The following LAMB2 variants were observed in gnomAD, a reference collection of about 807,000 sequenced individuals.
LAMB2 encodes laminin subunit beta-2.
LAMB2 carries 119 observed loss-of-function variants against 202.7 expected under a neutral mutation model. That is an observed-to-expected ratio of 0.59 (90% CI 0.51 to 0.68). The LOEUF (loss-of-function observed/expected upper bound fraction) is 0.68. LAMB2 is among the 30% of genes least tolerant of loss of function. The pLI, the probability that LAMB2 is intolerant of heterozygous loss-of-function variation, is 0.00. For synonymous variants in LAMB2, 818 were observed against 902.2 expected, an observed-to-expected ratio of 0.91 and a Z score of 1.67; for missense variants, 2,124 against 2,410.6, an observed-to-expected ratio of 0.88 and a Z score of 2.49.
At chr3:49,122,663 A>C in intron 27 of LAMB2, 41 bp downstream of exon 27, 2 of 1,547,924 alleles carry the variant, frequency 1.3e-6, no homozygotes, top group South Asian at 1.1e-5. Context: ...GGAGTTGCCA[A>C]AGGGGACAAC....
At position 49,128,540 on chromosome 3, in the gene LAMB2, C is replaced by CT; in HGVS notation, c.1935dup (p.Gly646ArgfsTer17). On this transcript the variant is annotated frameshift_variant, in exon 15 of 32. Coordinates refer to ENST00000305544, the MANE Select transcript of LAMB2 (RefSeq NM_002292.4). LOFTEE classifies it high-confidence loss of function. ...CACAGGCTGTGGGCAGGCACAGGCC[C>CT]TGGACGCTGCACAATCAGTTCCAAC... 6.2e-7 allele frequency: 1 copy of CT among 1,614,202 alleles called. No homozygotes were observed. The highest frequency in any genetic ancestry group is 8.5e-7 in the Non-Finnish European group (1 of 1,180,042).
rs2107643796 is a variant in LAMB2 at position 49,130,524 on chromosome 3, A to AG, written c.1037-106dup. ...CTATCACAGGCCAGAATTTGTGGGTAGGGGCTCAGGGACTTCAAGGCCTCA... is the reference window on the plus strand; with the variant it reads ...CTATCACAGGCCAGAATTTGTGGGTAGGGGGCTCAGGGACTTCAAGGCCTCA... On this transcript the variant is annotated intron_variant, in intron 8 of 31. Coordinates refer to ENST00000305544, the MANE Select transcript of LAMB2 (RefSeq NM_002292.4). The surrounding 1 kb of genome is among the most constrained non-coding windows in gnomAD (Gnocchi z 5.0). 2 of 1,428,178 alleles carry AG rather than the reference A, an allele frequency of 1.4e-6. No homozygotes were observed. Among genetic ancestry groups the AG allele is most frequent in the Non-Finnish European group, 2.0e-6 (2 of 1,017,312 alleles). The allele number at this position is 1,428,178 out of a possible 1,614,324, so 88.5% of individuals were successfully genotyped here. A position where few individuals can be genotyped will look rare whatever the true frequency, so the allele number is the denominator to read the frequency against.
Position 49,128,598 on chromosome 3 carries a change from G to A in LAMB2, c.1891-13C>T, listed in dbSNP as rs1211405800. The A allele has an allele frequency of 6.2e-7, 1 of 1,614,248 alleles. No homozygotes were observed. On this transcript the variant is annotated splice_polypyrimidine_tract_variant and intron_variant, in intron 14 of 31. Coordinates refer to ENST00000305544, the MANE Select transcript of LAMB2 (RefSeq NM_002292.4). ...ATTGCTCAGGGACCTGGGAAAACGG[G>A]ATGATGGAGGAGATGCTCCCACACC...
rs1377795687 is a variant in LAMB2, at chr3:49,126,473, G to A, written c.2043C>T (p.Val681=). The change falls in exon 16 of 32, where the codon GTC becomes GTT. Residue 681 remains valine (V), a synonymous_variant. Transcript: ENST00000305544. ...TGTAGGAGATACCAGGCTCAAGGCAGACAGGATTAGGAAATATCAAGTACC... is the reference window on the plus strand; with the variant it reads ...TGTAGGAGATACCAGGCTCAAGGCAAACAGGATTAGGAAATATCAAGTACC... ...HARYLIFPNP[V]CLEPGISYKL... The A allele has an allele frequency of 6.2e-7, 1 of 1,614,172 alleles. No individual in the cohort carries two copies. Among genetic ancestry groups the A allele is most frequent in the South Asian group, 1.1e-5 (1 of 91,082 alleles).
In LAMB2 at chr3:49,125,102, G is replaced by C. The variant is rs1365920771; in HGVS notation, c.2788C>G (p.Pro930Ala). The change falls in exon 20 of 32, where the codon CCT (proline) becomes GCT (alanine). Residue 930 changes from proline (P) to alanine (A), a missense_variant. Physicochemically the swap from Pro to Ala is conservative, Grantham distance 27. Coordinates refer to ENST00000305544, the MANE Select transcript of LAMB2 (RefSeq NM_002292.4). Reference protein sequence around the residue: ...YGGQCRPCPCPEGPGSQRHFA... With the variant: ...YGGQCRPCPCAEGPGSQRHFA... ...TGCCGTTGGCTCCCAGGGCCTTCAG[G>C]ACAGGGACAGGGCCGGCACTGGCCC... The C allele has an allele frequency of 6.2e-7, 1 of 1,613,680 alleles. No individual in the cohort carries two copies. Among genetic ancestry groups the C allele is most frequent in the East Asian group, 2.2e-5 (1 of 44,894 alleles).
In LAMB2 at chr3:49,126,075, G is replaced by A. The variant is rs200658738; in HGVS notation, c.2236C>T (p.Arg746Cys). 85 of 1,614,062 alleles carry A rather than the reference G, an allele frequency of 5.3e-5. No individual in the cohort carries two copies. The highest frequency in any genetic ancestry group is 2.6e-4 in the South Asian group (24 of 91,088). The change falls in exon 17 of 32, where the codon CGC becomes TGC. Residue 746 changes from arginine (R) to cysteine (C), a missense_variant. Physicochemically the swap from Arg to Cys is radical, Grantham distance 180 (BLOSUM62 -3). This residue lies in a region of LAMB2 where 1,702 missense variants were observed against 1,896.3 expected (regional missense o/e 0.90). Coordinates refer to ENST00000305544, the MANE Select transcript of LAMB2 (RefSeq NM_002292.4). ...AALERQATFE[R>C]YQCHEEGLVP... Reference sequence around the variant, plus strand: ...AGACCCTCCTCATGGCATTGGTAGCGTTCAAAGGTGGCCTGGCGCTCCAGG... The same window carrying A: ...AGACCCTCCTCATGGCATTGGTAGCATTCAAAGGTGGCCTGGCGCTCCAGG...
Position 49,121,556 on chromosome 3 carries a change from C to T in LAMB2, c.5137G>A (p.Val1713Met). The T allele has an allele frequency of 1.2e-6, 2 of 1,614,022 alleles. No individual in the cohort carries two copies. The highest frequency in any genetic ancestry group is 1.7e-6 in the Non-Finnish European group (2 of 1,180,042). ...GCCTTGCGCTCAGCTAGGGCCTTCA[C>T]CGTCTGGTACTGATCACCCAGAGGA... ...RGPLGDQYQTVKALAERKAQG... is the reference protein window; with the variant it reads ...RGPLGDQYQTMKALAERKAQG... The change falls in exon 31 of 32, where the codon GTG becomes ATG. Residue 1713 changes from valine (V) to methionine (M), a missense_variant. Around this residue, in one of 3 missense-constraint regions of LAMB2, gnomAD observed 1,702 missense variants for 1,896.3 expected, o/e 0.90. Coordinates refer to ENST00000305544, the MANE Select transcript of LAMB2 (RefSeq NM_002292.4).
Position 49,131,731 on chromosome 3 carries a change from G to A in LAMB2, c.460-8C>T, listed in dbSNP as rs200141829. ...GGCAGCAGGGCGAAATGTCTGGGTA[G>A]GGGGGCATAGCTGATCAGCAGGCAC... On this transcript the variant is annotated splice_region_variant and splice_polypyrimidine_tract_variant and intron_variant, in intron 4 of 31. Transcript: ENST00000305544. This position sits in a 1 kb window ranked among gnomAD's most constrained non-coding sequence, Gnocchi z 5.0. 13 of 1,612,688 alleles carry A rather than the reference G, an allele frequency of 8.1e-6. No homozygotes were observed. Among genetic ancestry groups the A allele is most frequent in the Non-Finnish European group, 1.0e-5 (12 of 1,179,976 alleles).
At position 49,125,378 on chromosome 3, in the gene LAMB2, C is replaced by G. The variant is rs771584138; in HGVS notation, c.2595G>C (p.Gln865His). ...GAFGLRCDRC[Q>H]RGQWGFPSCR... is the part of the protein sequence containing the mutation. ...AGCTAGGGAATCCCCACTGGCCACG[C>G]TGGCAGCGGTCACAGCGAAGCCCAA... The change falls in exon 19 of 32, where the codon CAG becomes CAC. Residue 865 changes from glutamine (Q) to histidine (H), a missense_variant. This residue lies in a region of LAMB2 where 1,702 missense variants were observed against 1,896.3 expected (regional missense o/e 0.90). Coordinates refer to ENST00000305544, the MANE Select transcript of LAMB2 (RefSeq NM_002292.4). 1 of 1,614,074 alleles carries G rather than the reference C, an allele frequency of 6.2e-7. No individual in the cohort carries two copies. The highest frequency in any genetic ancestry group is 1.1e-5 in the South Asian group (1 of 91,084).
In LAMB2 at chr3:49,121,545, T is replaced by C; in HGVS notation, c.5148A>G (p.Leu1716=). Residue 1716 remains leucine (L), a synonymous_variant, in exon 31 of 32, where the codon CTA becomes CTG. Coordinates refer to ENST00000305544, the MANE Select transcript of LAMB2 (RefSeq NM_002292.4). ...GCACACCTTGGGCCTTGCGCTCAGC[T>C]AGGGCCTTCACCGTCTGGTACTGAT... The part of the protein sequence containing the change: ...LGDQYQTVKA[L]AERKAQGVLA... 6.2e-7 allele frequency: 1 copy of C among 1,614,046 alleles called. No homozygotes were observed. Among genetic ancestry groups the C allele is most frequent in the Non-Finnish European group, 8.5e-7 (1 of 1,180,040 alleles).
Position 49,124,402 on chromosome 3 carries a change from C to T in LAMB2, c.3320G>A (p.Cys1107Tyr). The stretch of plus-strand genomic sequence containing the variant: ...TGCAGGAGGGTCCCATACCTCGTTG[C>T]AGGTGGGGCCTCTGGCCCGGCTTGG... The part of the protein sequence containing the change: ...CHPSRARGPT[C>Y]NEFTGQCHCR... Residue 1107 changes from cysteine (C) to tyrosine (Y), a missense_variant, in exon 22 of 32, where the codon TGC becomes TAC. By Grantham distance (194) the Cys-to-Tyr change is radical (BLOSUM62 -2). Around this residue, in one of 3 missense-constraint regions of LAMB2, gnomAD observed 1,702 missense variants for 1,896.3 expected, o/e 0.90. Transcript: ENST00000305544. 1 of 1,613,532 alleles carries T rather than the reference C, an allele frequency of 6.2e-7. No individual in the cohort carries two copies. The highest frequency in any genetic ancestry group is 8.5e-7 in the Non-Finnish European group (1 of 1,179,770).
Position 49,133,031 on chromosome 3 carries a change from A to C in LAMB2, c.-164T>G. On this transcript the variant is annotated 5_prime_UTR_variant, in exon 1 of 32. Transcript: ENST00000305544. ...TGTCCAGCGGTCCCTCCGACAGCTTAGAGTCCAGCGACTTTGAGCAAAGTT... is the reference window on the plus strand; with the variant it reads ...TGTCCAGCGGTCCCTCCGACAGCTTCGAGTCCAGCGACTTTGAGCAAAGTT... 1.5e-6 allele frequency: 1 copy of C among 645,462 alleles called. No homozygotes were observed. The highest frequency in any genetic ancestry group is 2.8e-6 in the Non-Finnish European group (1 of 362,438). The allele number at this position is 645,462 out of a possible 1,614,324, so 40.0% of individuals were successfully genotyped here.
rs770983251 is a variant in LAMB2 at position 49,124,990 on chromosome 3, G to T, written c.2884+16C>A. 6 of 1,613,802 alleles carry T rather than the reference G, an allele frequency of 3.7e-6. No individual in the cohort carries two copies. Among genetic ancestry groups the T allele is most frequent in the African/African-American group, 1.3e-5 (1 of 74,928 alleles). On this transcript the variant is annotated intron_variant, in intron 20 of 31. Transcript: ENST00000305544. ...GCCAACTCACCCTGATCCCACGCCT[G>T]CCCCCATCCACTCACCCGTATAGCC...
At chr3:49,127,422 G>A (rs557862386) in intron 15 of LAMB2, among the ~76,000 whole-genome samples, 1 of 152,296 alleles carries the variant, frequency 6.6e-6, no homozygotes, top group East Asian at 1.9e-4. Context: ...TAGGTCAAGT[G>A]CAGTGGTTCA....
At position 49,121,292 on chromosome 3, in the gene LAMB2, C is replaced by G; in HGVS notation, c.5331G>C (p.Glu1777Asp). 1.9e-6 allele frequency: 3 copies of G among 1,613,146 alleles called. No homozygotes were observed. The highest frequency in any genetic ancestry group is 2.5e-6 in the Non-Finnish European group (3 of 1,180,038). The change falls in exon 32 of 32, where the codon GAG (glutamate) becomes GAC (aspartate). Residue 1777 changes from glutamate to aspartate, a missense_variant. Glu to Asp is a conservative substitution (Grantham distance 45). Coordinates refer to ENST00000305544, the MANE Select transcript of LAMB2 (RefSeq NM_002292.4). ...CTTGAAGCACGCTGCGCATCCTGGC[C>G]TCCAACCCGTCCAACTGGGCTGCCT... Reference protein sequence around the residue: ...ESKAAQLDGLEARMRSVLQAI... With the variant: ...ESKAAQLDGLDARMRSVLQAI...
chr3:49,130,747 G>A lies in LAMB2; in HGVS notation c.1029C>T (p.Ala343=), dbSNP rs1042496727. 11 of 1,613,990 alleles carry A rather than the reference G, an allele frequency of 6.8e-6. No individual in the cohort carries two copies. Among genetic ancestry groups the A allele is most frequent in the Non-Finnish European group, 8.5e-6 (10 of 1,180,014 alleles). ...WRPAEDGHSH[A]CRKCECHGHT... is the part of the protein sequence containing the mutation. ...GGCCAAGATCTCACTCACTCCTACA[G>A]GCATGACTATGGCCGTCCTCAGCCG... The change falls in exon 8 of 32, where the codon GCC becomes GCT. Residue 343 remains alanine, a synonymous_variant. Coordinates refer to ENST00000305544, the MANE Select transcript of LAMB2 (RefSeq NM_002292.4). The surrounding 1 kb of genome is among the most constrained non-coding windows in gnomAD (Gnocchi z 5.0).
Position 49,123,930 on chromosome 3 carries a change from G to A in LAMB2, c.3595C>T (p.Arg1199Ter), listed in dbSNP as rs754597019. 1.5e-5 allele frequency: 25 copies of A among 1,613,138 alleles called. No homozygotes were observed. Among genetic ancestry groups the A allele is most frequent in the Non-Finnish European group, 1.9e-5 (22 of 1,180,046 alleles). Residue 1199 changes from arginine (R) to a stop codon, truncating the protein, a stop_gained, in exon 24 of 32, where the codon CGA (arginine) becomes TGA (stop). Coordinates refer to ENST00000305544, the MANE Select transcript of LAMB2 (RefSeq NM_002292.4). LOFTEE classifies it high-confidence loss of function. Reference sequence around the variant, plus strand: ...CGGGCTGCCAAGTCCTGCACCACTCGGTCCCAATCCCCGAAGCATGCATGG... The same window carrying A: ...CGGGCTGCCAAGTCCTGCACCACTCAGTCCCAATCCCCGAAGCATGCATGG... The part of the protein sequence containing the change: ...PCHACFGDWD[R>*]VVQDLAARTQ...
rs1226683583 is a variant in LAMB2 at position 49,130,756 on chromosome 3, A to G, written c.1020T>C (p.His340=). 1 of 1,614,082 alleles carries G rather than the reference A, an allele frequency of 6.2e-7. No individual in the cohort carries two copies. The highest frequency in any genetic ancestry group is 8.5e-7 in the Non-Finnish European group (1 of 1,180,026). Residue 340 remains histidine, a synonymous_variant, in exon 8 of 32, where the codon CAT becomes CAC. Coordinates refer to ENST00000305544, the MANE Select transcript of LAMB2 (RefSeq NM_002292.4). The surrounding 1 kb of genome is among the most constrained non-coding windows in gnomAD (Gnocchi z 5.0). Reference sequence around the variant, plus strand: ...CTCACTCACTCCTACAGGCATGACTATGGCCGTCCTCAGCCGGACGCCAGG... The same window carrying G: ...CTCACTCACTCCTACAGGCATGACTGTGGCCGTCCTCAGCCGGACGCCAGG... ...DLPWRPAEDG[H]SHACRKCECH...
In LAMB2 at chr3:49,129,303, G is replaced by C; in HGVS notation, c.1540C>G (p.His514Asp). ...CAGGGGCGGCAGCCGAGCAGGTCGT[G>C]GCTCAGGCCCCAGTGGCCAGGCTGC... is the stretch of plus-strand genomic sequence containing the variant. ...RCLPGHWGLS[H>D]DLLGCRPCDC... Residue 514 changes from histidine to aspartate, a missense_variant, in exon 12 of 32, where the codon CAC (histidine) becomes GAC (aspartate). His to Asp is a moderately conservative substitution (Grantham distance 81). Transcript: ENST00000305544. This position sits in a 1 kb window ranked among gnomAD's most constrained non-coding sequence, Gnocchi z 6.1. 6 of 1,613,148 alleles carry C rather than the reference G, an allele frequency of 3.7e-6. No homozygotes were observed. Among genetic ancestry groups the C allele is most frequent in the Non-Finnish European group, 5.1e-6 (6 of 1,179,670 alleles).
Sources: gnomAD v4.1 joint callset for allele counts (sites outside exome capture counted in the v4.1 genomes callset) on GRCh38, gnomAD v4.1.1 for gene constraint, gnomAD v4.1.1 regional missense constraint, Gnocchi (gnomAD v3.1) non-coding constraint, MANE v1.5 for transcripts, NCBI Gene and HGNC (gene_info 2026-07-23, HGNC 2026-07-21) for gene names.